SPOCD1: variants seen among roughly 807,000 people sequenced by gnomAD.
The protein encoded by SPOCD1 is SPOC domain containing 1.
A neutral mutation model predicts 92.2 loss-of-function variants in SPOCD1; 64 were observed. The ratio of observed to expected loss-of-function variants is 0.69; its 90% CI spans 0.57 to 0.86. SPOCD1 has a LOEUF of 0.86. Ranked by LOEUF, SPOCD1 falls within the 40% of genes least tolerant of loss-of-function variation. The probability of loss-of-function intolerance (pLI) is 0.00; values close to 1 mark genes in which losing one functional copy is unlikely to be tolerated. For missense variants in SPOCD1, 1,360 were observed against 1,543.1 expected, an observed-to-expected ratio of 0.88 and a Z score of 1.99; for synonymous variants, 578 against 619.3, an observed-to-expected ratio of 0.93 and a Z score of 0.99.
At chr1:31,791,683 C>T (rs1200694649) in intron 15 of SPOCD1, among the ~76,000 whole-genome samples, 1 of 152,228 alleles carries the variant, frequency 6.6e-6, no homozygotes, top group African/African-American at 2.4e-5. Flanking sequence ...TCCCTCCTCT[C>T]TGAGGTGACA....
At chr1:31,792,892 C>T in intron 13 of SPOCD1, 125 bp from the exon 14 acceptor site, 1 of 789,694 alleles carries the variant, frequency 1.3e-6, no homozygotes, top group South Asian at 1.5e-5. Flanking sequence ...CCAGGACCCT[C>T]AGTGGCTGCC....
rs141348639 is a variant in SPOCD1, at chr1:31,800,486, G to A, written c.1557C>T (p.Leu519=). Residue 519 remains leucine, a synonymous_variant, in exon 4 of 16, where the codon CTC becomes CTT. Coordinates refer to ENST00000360482, the MANE Select transcript of SPOCD1 (RefSeq NM_144569.7). ...GCACCATGGGCCTTTTCTTCCTTCT[G>A]AGCCTCTGGGCAGGTGAGGGTGAGC... The part of the protein sequence containing the change: ...EVSSPSPAQR[L]RRKKRPMVQG... 2.0e-3 allele frequency: 3,228 copies of A among 1,611,466 alleles called. 68 individuals carry two copies. In the African/African-American group the frequency reaches 0.039, roughly 19 times the overall value.
rs746945350 is a variant in SPOCD1 at position 31,799,502 on chromosome 1, T to A, written c.1784-17A>T. Reference sequence around the variant, plus strand: ...GGAGCTGAGCTGTAGGGAGAGAGCGTCACAGGCTCCCAGGGGTGCCCAGGG... The same window carrying A: ...GGAGCTGAGCTGTAGGGAGAGAGCGACACAGGCTCCCAGGGGTGCCCAGGG... On this transcript the variant is annotated splice_polypyrimidine_tract_variant and intron_variant, in intron 6 of 15. Coordinates refer to ENST00000360482, the MANE Select transcript of SPOCD1 (RefSeq NM_144569.7). The A allele has an allele frequency of 7.5e-6, 12 of 1,603,582 alleles. No individual in the cohort carries two copies. The highest frequency in any genetic ancestry group is 9.4e-6 in the Non-Finnish European group (11 of 1,174,612).
chr1:31,799,170 G>A (rs901318051), intron 7 of SPOCD1, among the ~76,000 whole-genome samples: 1 of 152,190 alleles, frequency 6.6e-6, no homozygotes, highest in Non-Finnish European at 1.5e-5. Context: ...GACCTGAGCC[G>A]AGGCTGAGAG....
At position 31,800,054 on chromosome 1, in the gene SPOCD1, C is replaced by T; in HGVS notation, c.1690G>A (p.Ala564Thr). 6.2e-7 allele frequency: 1 copy of T among 1,610,604 alleles called. No individual in the cohort carries two copies. Among genetic ancestry groups the T allele is most frequent in the Non-Finnish European group, 8.5e-7 (1 of 1,178,846 alleles). ...GGGTCCGAGCTGGGGTCGCCAAGGG[C>T]CAGGGAACCGCTTCTTGGAGGGTAG... Reference protein sequence around the residue: ...PFYPPRSGSLALGDPSSDPAC... With the variant: ...PFYPPRSGSLTLGDPSSDPAC... Residue 564 changes from alanine to threonine, a missense_variant, in exon 5 of 16, where the codon GCC becomes ACC. By Grantham distance (58) the Ala-to-Thr change is moderately conservative. Coordinates refer to ENST00000360482, the MANE Select transcript of SPOCD1 (RefSeq NM_144569.7).
intron 2 of SPOCD1, among the ~76,000 whole-genome samples, chr1:31,808,329 A>C (rs1220790604): frequency 6.6e-6 from 1 of 151,792 alleles, no homozygotes; most frequent in Non-Finnish European, 1.5e-5. Context: ...ATTTTAAAAA[A>C]CTTAATATTT....
chr1:31,814,827 G>T lies in SPOCD1; in HGVS notation c.507C>A (p.Asp169Glu). 6.2e-7 allele frequency: 1 copy of T among 1,612,634 alleles called. No homozygotes were observed. The highest frequency in any genetic ancestry group is 1.7e-5 in the Admixed American group (1 of 59,896). Residue 169 changes from aspartate (D) to glutamate (E), a missense_variant, in exon 2 of 16, where the codon GAC (aspartate) becomes GAA (glutamate). Asp to Glu is a conservative substitution (Grantham distance 45, BLOSUM62 2). This residue lies in a region of SPOCD1 where 606 missense variants were observed against 601.5 expected (regional missense o/e 1.01). Coordinates refer to ENST00000360482, the MANE Select transcript of SPOCD1 (RefSeq NM_144569.7). The surrounding 1 kb of genome is among the most constrained non-coding windows in gnomAD (Gnocchi z 4.2). ...VSCLRPREARDGGMSSPGCDR... is the reference protein window; with the variant it reads ...VSCLRPREAREGGMSSPGCDR... ...CACACCCTGGAGAACTCATTCCACC[G>T]TCTCTGGCCTCCCTGGGCCTGAGGC...
chr1:31,802,916 C>T (rs758502009), intron 2 of SPOCD1, among the ~76,000 whole-genome samples: 3 of 151,562 alleles, frequency 2.0e-5, no homozygotes, highest in African/African-American at 7.3e-5. Context: ...AACTGGGTGC[C>T]GGGAAAGATG....
At chr1:31,809,634 G>A (rs1649070054) in intron 2 of SPOCD1, among the ~76,000 whole-genome samples, 1 of 152,098 alleles carries the variant, frequency 6.6e-6, no homozygotes, top group Non-Finnish European at 1.5e-5. Flanking sequence ...CTTAGGAACT[G>A]TGTGATCTTG....
chr1:31,803,661 A>T (rs1396098516), intron 2 of SPOCD1, among the ~76,000 whole-genome samples: 1 of 151,950 alleles, frequency 6.6e-6, no homozygotes, highest in Non-Finnish European at 1.5e-5. Flanking sequence ...GAATTGTTTG[A>T]GCCGGAGAAG....
chr1:31,811,593 T>C (rs1249058961), intron 2 of SPOCD1, among the ~76,000 whole-genome samples: 1 of 152,192 alleles, frequency 6.6e-6, no homozygotes, highest in Non-Finnish European at 1.5e-5. Context: ...GAGCTTGACC[T>C]TGAACCTGTC....
Position 31,814,245 on chromosome 1 carries a change from C to A in SPOCD1, c.1089G>T (p.Glu363Asp), listed in dbSNP as rs759436511. 6.9e-6 allele frequency: 11 copies of A among 1,584,346 alleles called. No homozygotes were observed. The South Asian group carries it at 1.2e-4, about 18-fold the overall frequency. Reference protein sequence around the residue: ...EGQAPAQDQEELEAKAQPASR... With the variant: ...EGQAPAQDQEDLEAKAQPASR... ...AAGCTGGCTGAGCCTTGGCCTCCAG[C>A]TCCTCCTGGTCCTGTGCTGGAGCCT... is the stretch of plus-strand genomic sequence containing the variant. Residue 363 changes from glutamate (E) to aspartate (D), a missense_variant, in exon 2 of 16, where the codon GAG (glutamate) becomes GAT (aspartate). By Grantham distance (45) the Glu-to-Asp change is conservative. Around this residue, in one of 3 missense-constraint regions of SPOCD1, gnomAD observed 606 missense variants for 601.5 expected, o/e 1.01. Transcript: ENST00000360482. The surrounding 1 kb of genome is among the most constrained non-coding windows in gnomAD (Gnocchi z 4.2).
chr1:31,793,974 T>C, intron 11 of SPOCD1, 77 bp from the exon 12 acceptor site: 1 of 1,551,648 alleles, frequency 6.4e-7, no homozygotes. Flanking sequence ...AGAGCCAGGG[T>C]TGAACCAGGT....
At chr1:31,803,379 G>A (rs1648589420) in intron 2 of SPOCD1, among the ~76,000 whole-genome samples, 1 of 151,014 alleles carries the variant, frequency 6.6e-6, no homozygotes, top group South Asian at 2.1e-4. Context: ...ATTAGATGCA[G>A]CTGAAACAAA....
intron 10 of SPOCD1, 63 bp from the exon 11 acceptor site, chr1:31,794,298 T>G (rs1647842179): frequency 8.0e-7 from 1 of 1,247,162 alleles, no homozygotes; most frequent in African/African-American, 1.5e-5. Context: ...GAGGCCTCCA[T>G]GGGTAGGGGG....
At chr1:31,791,388 T>A in intron 15 of SPOCD1, 97 bp from the exon 16 acceptor site, 1 of 1,015,174 alleles carries the variant, frequency 9.9e-7, no homozygotes, top group Non-Finnish European at 1.3e-6. Flanking sequence ...CATGAGATGC[T>A]GGGAAAAGTA....
Position 31,798,287 on chromosome 1 carries a change from G to A in SPOCD1, c.2065C>T (p.Pro689Ser). The change falls in exon 9 of 16, where the codon CCC (proline) becomes TCC (serine). Residue 689 changes from proline to serine, a missense_variant. Pro to Ser is a moderately conservative substitution (Grantham distance 74). Around this residue, in one of 3 missense-constraint regions of SPOCD1, gnomAD observed 614 missense variants for 757.8 expected, o/e 0.81. Coordinates refer to ENST00000360482, the MANE Select transcript of SPOCD1 (RefSeq NM_144569.7). The surrounding 1 kb of genome is among the most constrained non-coding windows in gnomAD (Gnocchi z 4.1). ...FLKVVHGDVT[P>S]YDLVRMSSMQ... ...GAGCTCATCCGCACCAGGTCGTAGG[G>A]GGTGACATCTCCATGAACCACTTTG... 9 of 1,614,016 alleles carry A rather than the reference G, an allele frequency of 5.6e-6. No homozygotes were observed. Among genetic ancestry groups the A allele is most frequent in the Non-Finnish European group, 7.6e-6 (9 of 1,180,030 alleles).
In SPOCD1 at chr1:31,796,680, C is replaced by A. The variant is rs146160927; in HGVS notation, c.2181G>T (p.Pro727=). The change falls in exon 10 of 16, where the codon CCG becomes CCT. Residue 727 remains proline (P), a synonymous_variant. Coordinates refer to ENST00000360482, the MANE Select transcript of SPOCD1 (RefSeq NM_144569.7). ...TCATTTTGGAGGCTGGAAGTCTGCACGGCTCCTTCTGTTGCTGCTCAATGA... is the reference window on the plus strand; with the variant it reads ...TCATTTTGGAGGCTGGAAGTCTGCAAGGCTCCTTCTGTTGCTGCTCAATGA... ...LNIIEQQQKE[P]CRLPASKMTH... The A allele has an allele frequency of 1.9e-6, 3 of 1,614,224 alleles. No homozygotes were observed. Among genetic ancestry groups the A allele is most frequent in the Admixed American group, 3.3e-5 (2 of 60,032 alleles).
Position 31,798,992 on chromosome 1 carries a change from C to T in SPOCD1, c.1869-391G>A, listed in dbSNP as rs1028541152. On this transcript the variant is annotated intron_variant, in intron 7 of 15. Coordinates refer to ENST00000360482, the MANE Select transcript of SPOCD1 (RefSeq NM_144569.7). The surrounding 1 kb of genome is among the most constrained non-coding windows in gnomAD (Gnocchi z 4.1). ...AGGGGGAGAGAATGGAGCCCTGGCC[C>T]TCGGTGTCATCTGTCATTGACTTGC... is the stretch of plus-strand genomic sequence containing the variant. Among the ~76,000 whole-genome samples, 4 of 152,130 alleles carry T rather than the reference C, an allele frequency of 2.6e-5. No homozygotes were observed. The highest frequency in any genetic ancestry group is 9.7e-5 in the African/African-American group (4 of 41,422).
Sources: gnomAD v4.1 joint callset for allele counts (sites outside exome capture counted in the v4.1 genomes callset) on GRCh38, gnomAD v4.1.1 for gene constraint, gnomAD v4.1.1 regional missense constraint, Gnocchi (gnomAD v3.1) non-coding constraint, MANE v1.5 for transcripts, NCBI Gene and HGNC (gene_info 2026-07-23, HGNC 2026-07-21) for gene names.